Variants in FNDC3B observed in about 807,000 individuals in gnomAD.
FNDC3B encodes fibronectin type III domain containing 3B, also known as fibronectin type III domain-containing protein 3B.
A neutral mutation model predicts 151.5 loss-of-function variants in FNDC3B; 12 were observed. The observed-to-expected ratio is 0.08, with a 90% CI of 0.05 to 0.13. FNDC3B has a LOEUF of 0.13. Among genes scored for constraint, FNDC3B ranks in the 10% least tolerant of loss-of-function variants. The probability of loss-of-function intolerance (pLI) is 1.00; values close to 1 mark genes in which losing one functional copy is unlikely to be tolerated. For missense variants in FNDC3B, 1,214 were observed against 1,505.3 expected, an observed-to-expected ratio of 0.81 and a Z score of 3.20; for synonymous variants, 528 against 549.0, an observed-to-expected ratio of 0.96 and a Z score of 0.54.
intron 1 of FNDC3B, among the ~76,000 whole-genome samples, chr3:172,109,054 G>A (rs938268842): frequency 6.6e-6 from 1 of 152,174 alleles, no homozygotes; most frequent in Non-Finnish European, 1.5e-5. Context: ...AACATCGTTG[G>A]CTGCATGTAG....
intron 9 of FNDC3B, among the ~76,000 whole-genome samples, chr3:172,304,740 T>TA (rs1731107917): frequency 6.6e-6 from 1 of 151,850 alleles, no homozygotes; most frequent in Non-Finnish European, 1.5e-5. Context: ...TCTACAAAAA[T>TA]ACAAAAATCA....
At chr3:172,057,165 T>C (rs1012146953) in intron 1 of FNDC3B, among the ~76,000 whole-genome samples, 5 of 152,206 alleles carry the variant, frequency 3.3e-5, no homozygotes, top group African/African-American at 1.2e-4. Context: ...TCCTTCTCTC[T>C]TTTTGTGGAT....
At chr3:172,367,098 C>A (rs1471599956) in intron 23 of FNDC3B, among the ~76,000 whole-genome samples, 2 of 152,166 alleles carry the variant, frequency 1.3e-5, no homozygotes, top group Admixed American at 6.5e-5. Context: ...GGATTCTACC[C>A]CCCTGGGATA....
At chr3:172,199,390 A>G (rs1490589406) in intron 3 of FNDC3B, among the ~76,000 whole-genome samples, 8 of 149,362 alleles carry the variant, frequency 5.4e-5, no homozygotes, top group Non-Finnish European at 8.9e-5. Flanking sequence ...CGTGTTAGCC[A>G]GGATGGTCTC....
At chr3:172,104,156 T>C (rs58613198) in intron 1 of FNDC3B, among the ~76,000 whole-genome samples, 7,821 of 152,226 alleles carry the variant, frequency 0.051, 672 homozygotes, top group African/African-American at 0.18. Flanking sequence ...TTTTAGAAGT[T>C]TTTTTATGTG....
At chr3:172,276,935 TTAAAGA>T (rs927414444) in intron 6 of FNDC3B, among the ~76,000 whole-genome samples, 1 of 152,132 alleles carries the variant, frequency 6.6e-6, no homozygotes, top group Non-Finnish European at 1.5e-5. Flanking sequence ...AGAAAAAAAA[TTAAAGA>T]TGTTATTGGA....
intron 4 of FNDC3B, among the ~76,000 whole-genome samples, chr3:172,237,849 TA>T (rs1395498219): frequency 6.6e-6 from 1 of 152,226 alleles, no homozygotes; most frequent in African/African-American, 2.4e-5. Flanking sequence ...GGATATCTGT[TA>T]TCAAGCTGTA....
intron 9 of FNDC3B, among the ~76,000 whole-genome samples, chr3:172,299,051 A>T (rs898977678): frequency 6.6e-6 from 1 of 152,216 alleles, no homozygotes; most frequent in Non-Finnish European, 1.5e-5. Flanking sequence ...TCTAAGATCT[A>T]TTGGACTATG....
chr3:172,234,438 G>C (rs1213826444), intron 4 of FNDC3B, among the ~76,000 whole-genome samples: 1 of 152,272 alleles, frequency 6.6e-6, no homozygotes, highest in East Asian at 1.9e-4. Flanking sequence ...TCTCATGGAG[G>C]GAAGCGGAGA....
At chr3:172,261,130 C>T (rs927825826) in intron 6 of FNDC3B, among the ~76,000 whole-genome samples, 4 of 152,126 alleles carry the variant, frequency 2.6e-5, no homozygotes, top group Non-Finnish European at 5.9e-5. Flanking sequence ...CCATGTCTTC[C>T]GCATTCTGTG....
intron 1 of FNDC3B, among the ~76,000 whole-genome samples, chr3:172,062,431 C>T (rs1057375741): frequency 1.3e-5 from 2 of 151,960 alleles, no homozygotes; most frequent in East Asian, 3.9e-4. Flanking sequence ...CCTGCCTCAG[C>T]CTCCCGAGTA....
intron 3 of FNDC3B, among the ~76,000 whole-genome samples, chr3:172,173,739 T>A (rs1223330267): frequency 6.6e-6 from 1 of 151,474 alleles, no homozygotes; most frequent in Non-Finnish European, 1.5e-5. Flanking sequence ...GAGGATCTCT[T>A]GAGCCTGGGA....
intron 23 of FNDC3B, among the ~76,000 whole-genome samples, chr3:172,374,683 G>A (rs1179434574): frequency 2.6e-5 from 4 of 152,210 alleles, no homozygotes; most frequent in African/African-American, 9.7e-5. Flanking sequence ...CTGAGCCACT[G>A]TGCCCGGCCA....
chr3:172,217,053 C>T (rs1024402460), intron 3 of FNDC3B, among the ~76,000 whole-genome samples: 1 of 147,238 alleles, frequency 6.8e-6, no homozygotes, highest in Non-Finnish European at 1.5e-5. Flanking sequence ...GTTCTGTGCA[C>T]CTGTGCATTA....
intron 3 of FNDC3B, among the ~76,000 whole-genome samples, chr3:172,198,453 C>T (rs1560013809): frequency 6.6e-6 from 1 of 152,274 alleles, no homozygotes; most frequent in East Asian, 1.9e-4. Context: ...AAGGAGTTTA[C>T]ACTGATACCT....
chr3:172,278,519 A>C (rs1319635805), intron 6 of FNDC3B, among the ~76,000 whole-genome samples: 1 of 152,226 alleles, frequency 6.6e-6, no homozygotes, highest in Non-Finnish European at 1.5e-5. Context: ...AACACAGGGA[A>C]GAAGAGGAAA....
intron 3 of FNDC3B, among the ~76,000 whole-genome samples, chr3:172,189,395 A>G (rs1263609314): frequency 2.6e-5 from 4 of 152,150 alleles, no homozygotes; most frequent in South Asian, 4.1e-4. Context: ...CAAATTTTCT[A>G]TGACAAGGTG....
chr3:172,085,632 T>C (rs189771748), intron 1 of FNDC3B, among the ~76,000 whole-genome samples: 1 of 152,360 alleles, frequency 6.6e-6, no homozygotes, highest in Admixed American at 6.5e-5. Context: ...TGTTAGGCAA[T>C]TGAAACTTGG....
intron 23 of FNDC3B, among the ~76,000 whole-genome samples, chr3:172,374,480 TG>T (rs1413284669): frequency 1.3e-5 from 2 of 152,176 alleles, no homozygotes; most frequent in Non-Finnish European, 2.9e-5. Context: ...CTGCAACCTC[TG>T]CCTACCGGAT....
Sources: gnomAD v4.1 joint callset for allele counts (sites outside exome capture counted in the v4.1 genomes callset) on GRCh38, gnomAD v4.1.1 for gene constraint, MANE v1.5 for transcripts, NCBI Gene and HGNC (gene_info 2026-07-23, HGNC 2026-07-21) for gene names.